The following MED12L variants were observed in gnomAD, a reference collection of about 807,000 sequenced individuals.
MED12L encodes the protein mediator complex subunit 12L.
Under a neutral mutation model 281.3 loss-of-function variants are expected in MED12L, and 60 were observed. That is an observed-to-expected ratio of 0.21 (90% CI 0.17 to 0.26). MED12L has a LOEUF of 0.26. Among genes scored for constraint, MED12L ranks in the 10% least tolerant of loss-of-function variants. The probability of loss-of-function intolerance (pLI) is 1.00; values close to 1 mark genes in which losing one functional copy is unlikely to be tolerated. For synonymous variants in MED12L, 974 were observed against 987.2 expected (o/e 0.99, Z 0.25); for missense variants, 2,146 against 2,680.9 (o/e 0.80, Z 4.41).
intron 16 of MED12L, among the ~76,000 whole-genome samples, chr3:151,324,514 G>A (rs758090899): frequency 6.6e-6 from 1 of 152,210 alleles, no homozygotes; most frequent in Non-Finnish European, 1.5e-5. Context: ...CAGTTGTTAA[G>A]AATATGGGCT....
chr3:151,295,391 T>C, intron 16 of MED12L: 1 of 580,372 alleles, frequency 1.7e-6, no homozygotes, highest in South Asian at 2.3e-5. Flanking sequence ...TTAGTGACCT[T>C]CTCTCACTAC....
At chr3:151,407,903 T>C (rs886348317) in intron 39 of MED12L, among the ~76,000 whole-genome samples, 1 of 152,224 alleles carries the variant, frequency 6.6e-6, no homozygotes, top group Admixed American at 6.5e-5. Context: ...CTTAACTGTC[T>C]TAGGTATGCA....
intron 4 of MED12L, among the ~76,000 whole-genome samples, chr3:151,126,914 G>A (rs565600413): frequency 4.3e-4 from 66 of 152,178 alleles, no homozygotes; most frequent in Non-Finnish European, 8.2e-4. Context: ...AGCCAAACAG[G>A]TTTCATTCAG....
chr3:151,264,997 C>T (rs9682027), intron 16 of MED12L, among the ~76,000 whole-genome samples: 11,027 of 152,196 alleles, frequency 0.072, 1,347 homozygotes, highest in African/African-American at 0.25. Context: ...CCCTCTTTGT[C>T]TCCCTTATTT....
intron 16 of MED12L, among the ~76,000 whole-genome samples, chr3:151,323,528 C>A (rs1226146607): frequency 6.6e-6 from 1 of 152,192 alleles, no homozygotes; most frequent in African/African-American, 2.4e-5. Flanking sequence ...ACAGTTCCAC[C>A]CCTACCTGAG....
chr3:151,369,053 A>T (rs539457365), intron 25 of MED12L, among the ~76,000 whole-genome samples: 1 of 151,968 alleles, frequency 6.6e-6, no homozygotes, highest in Admixed American at 6.6e-5. Flanking sequence ...GAGCCACCGC[A>T]CCCATCCCTC....
intron 23 of MED12L, among the ~76,000 whole-genome samples, chr3:151,366,457 G>A (rs1308926600): frequency 2.0e-5 from 3 of 152,196 alleles, no homozygotes; most frequent in East Asian, 1.9e-4. Context: ...TCTAGATTCC[G>A]AGGATGTCCG....
chr3:151,298,696 G>C (rs912322221), intron 16 of MED12L, among the ~76,000 whole-genome samples: 1 of 152,064 alleles, frequency 6.6e-6, no homozygotes, highest in African/African-American at 2.4e-5. Context: ...TGTCTTTGCC[G>C]GGGGGAATAG....
intron 8 of MED12L, among the ~76,000 whole-genome samples, chr3:151,162,638 T>C (rs1377217027): frequency 6.6e-6 from 1 of 151,872 alleles, no homozygotes; most frequent in Non-Finnish European, 1.5e-5. Context: ...GGGGTTTCAC[T>C]GTGTTGCCTA....
At chr3:151,318,984 CGGT>C (rs1253065536) in intron 16 of MED12L, among the ~76,000 whole-genome samples, 27 of 152,252 alleles carry the variant, frequency 1.8e-4, no homozygotes, top group Admixed American at 9.8e-4. Flanking sequence ...GTGCCCGGGA[CGGT>C]AGCCTAACAG....
At chr3:151,324,529 A>G (rs1360746542) in intron 16 of MED12L, among the ~76,000 whole-genome samples, 1 of 152,254 alleles carries the variant, frequency 6.6e-6, no homozygotes, top group East Asian at 1.9e-4. Context: ...TGGGCTTAGA[A>G]GCCACGTCTC....
chr3:151,432,705 A>C, intron 44 of MED12L, 47 bp from the exon 45 acceptor site: 1 of 1,434,932 alleles, frequency 7.0e-7, no homozygotes, highest in Non-Finnish European at 9.8e-7. Context: ...CCATCTGTGC[A>C]ATAGTTTTGT....
At chr3:151,400,470 ATG>A (rs1470207334) in intron 39 of MED12L, among the ~76,000 whole-genome samples, 1 of 152,194 alleles carries the variant, frequency 6.6e-6, no homozygotes, top group African/African-American at 2.4e-5. Flanking sequence ...GAGGACAGGA[ATG>A]TGTGCCCAGT....
chr3:151,178,157 C>CACAAA (rs767097879), intron 11 of MED12L, among the ~76,000 whole-genome samples: 19 of 49,166 alleles, frequency 3.9e-4, no homozygotes, highest in African/African-American at 1.1e-3. Flanking sequence ...GACTTGGTCT[C>CACAAA]AAAAAAAAAA....
chr3:151,356,074 A>G (rs1278014414), intron 19 of MED12L, 35 bp downstream of exon 19: 1 of 1,591,934 alleles, frequency 6.3e-7, no homozygotes, highest in East Asian at 2.3e-5. Flanking sequence ...TACTTTTAGG[A>G]AAGCAAATCC....
chr3:151,123,920 C>T (rs1028104371), intron 4 of MED12L, among the ~76,000 whole-genome samples: 2 of 152,196 alleles, frequency 1.3e-5, no homozygotes, highest in Non-Finnish European at 2.9e-5. Context: ...TGGTGAAAGG[C>T]AACTGAAATC....
intron 7 of MED12L, among the ~76,000 whole-genome samples, 198 bp from the exon 8 acceptor site, chr3:151,159,634 G>C (rs1195216781): frequency 2.0e-5 from 3 of 152,052 alleles, no homozygotes; most frequent in East Asian, 3.8e-4. Context: ...ATTTTTGCCT[G>C]TTTCTTATTT....
At chr3:151,377,301 A>C (rs372202111) in intron 30 of MED12L, 123 bp downstream of exon 30, 1 of 730,822 alleles carries the variant, frequency 1.4e-6, no homozygotes, top group Non-Finnish European at 2.2e-6. Context: ...ACTTGTAAGC[A>C]GGGATTATTA....
intron 16 of MED12L, among the ~76,000 whole-genome samples, chr3:151,231,805 G>A (rs1231145763): frequency 6.6e-6 from 1 of 152,192 alleles, no homozygotes; most frequent in Non-Finnish European, 1.5e-5. Flanking sequence ...TATTGATGGT[G>A]TGGTTAAGCG....
Sources: gnomAD v4.1 joint callset for allele counts (sites outside exome capture counted in the v4.1 genomes callset) on GRCh38, gnomAD v4.1.1 for gene constraint, MANE v1.5 for transcripts, NCBI Gene and HGNC (gene_info 2026-07-23, HGNC 2026-07-21) for gene names.